Variants in GOLPH3L observed in about 807,000 individuals in gnomAD.
The protein encoded by GOLPH3L is golgi phosphoprotein 3 like.
Under a neutral mutation model 30.3 loss-of-function variants are expected in GOLPH3L, and 22 were observed. The observed-to-expected ratio is 0.73, with a 90% CI of 0.52 to 1.04. The LOEUF (loss-of-function observed/expected upper bound fraction) is 1.04, where lower values mean the gene tolerates loss of function less well. Among genes scored for constraint, GOLPH3L ranks in the 50% least tolerant of loss-of-function variants. The pLI, the probability that GOLPH3L is intolerant of heterozygous loss-of-function variation, is 0.00. For synonymous variants in GOLPH3L, 120 were observed against 128.2 expected, an observed-to-expected ratio of 0.94 and a Z score of 0.43; for missense variants, 303 against 345.8, an observed-to-expected ratio of 0.88 and a Z score of 0.98.
At chr1:150,691,539 C>CA (rs1175099598) in intron 2 of GOLPH3L, among the ~76,000 whole-genome samples, 1 of 151,928 alleles carries the variant, frequency 6.6e-6, no homozygotes, top group East Asian at 1.9e-4. Context: ...AAAACAAAAA[C>CA]AAAACTATGA....
In GOLPH3L at chr1:150,687,685, G is replaced by A. The variant is rs587769142; in HGVS notation, c.183+6971C>T. Among the ~76,000 whole-genome samples the A allele has an allele frequency of 2.0e-5, 3 of 152,260 alleles. No homozygotes were observed. The South Asian group carries it at 6.2e-4, about 32-fold the overall frequency. On this transcript the variant is annotated intron_variant, in intron 2 of 4. Transcript: ENST00000271732. ...TAATAAAGATGAACTATACTTGATGGAGGATCATCAGCAGCTTGAAAAAGC... is the reference window on the plus strand; with the variant it reads ...TAATAAAGATGAACTATACTTGATGAAGGATCATCAGCAGCTTGAAAAAGC...
intron 4 of GOLPH3L, among the ~76,000 whole-genome samples, chr1:150,659,015 G>T (rs1650310492): frequency 1.3e-5 from 2 of 152,228 alleles, no homozygotes; most frequent in South Asian, 4.1e-4. Context: ...TGGAGTGCTT[G>T]AAGGAGCTGC....
At chr1:150,689,663 T>C (rs1327405865) in intron 2 of GOLPH3L, among the ~76,000 whole-genome samples, 1 of 152,202 alleles carries the variant, frequency 6.6e-6, no homozygotes, top group Non-Finnish European at 1.5e-5. Context: ...TTTATATTTT[T>C]TGAGGCAGTC....
intron 2 of GOLPH3L, among the ~76,000 whole-genome samples, chr1:150,680,549 C>T (rs753080038): frequency 6.6e-6 from 1 of 152,124 alleles, no homozygotes; most frequent in South Asian, 2.1e-4. Flanking sequence ...TTTCAGTGCC[C>T]TCTTGTTCCA....
intron 2 of GOLPH3L, among the ~76,000 whole-genome samples, chr1:150,683,748 A>AAATGTTGGCTCACTT: frequency 6.7e-6 from 1 of 148,850 alleles, no homozygotes; most frequent in Admixed American, 6.8e-5. Flanking sequence ...GATACTCAAT[A>AAATGTTGGCTCACTT]AATGTTGGCT....
chr1:150,683,103 A>G (rs1278921384), intron 2 of GOLPH3L, among the ~76,000 whole-genome samples: 1 of 152,148 alleles, frequency 6.6e-6, no homozygotes, highest in Non-Finnish European at 1.5e-5. Flanking sequence ...AGTGCCTTGC[A>G]TCAAGGAGGT....
At chr1:150,673,029 A>G (rs952017381) in intron 2 of GOLPH3L, among the ~76,000 whole-genome samples, 1 of 152,136 alleles carries the variant, frequency 6.6e-6, no homozygotes, top group Non-Finnish European at 1.5e-5. Flanking sequence ...TTTAGCAAAT[A>G]AAAACAACAT....
intron 4 of GOLPH3L, among the ~76,000 whole-genome samples, chr1:150,653,329 A>T (rs970592949): frequency 2.7e-5 from 4 of 145,502 alleles, no homozygotes; most frequent in Non-Finnish European, 6.0e-5. Context: ...GGAGTCTCAC[A>T]CTGTCGCCCT....
chr1:150,688,821 C>G (rs1651147981), intron 2 of GOLPH3L, among the ~76,000 whole-genome samples: 1 of 152,144 alleles, frequency 6.6e-6, no homozygotes, highest in Non-Finnish European at 1.5e-5. Flanking sequence ...TCTTCCCTCT[C>G]CTACTGCTCC....
At position 150,647,830 on chromosome 1, in the gene GOLPH3L, G is replaced by C. The variant is rs1650019899; in HGVS notation, c.*491C>G. On this transcript the variant is annotated 3_prime_UTR_variant, in exon 5 of 5. Coordinates refer to ENST00000271732, the MANE Select transcript of GOLPH3L (RefSeq NM_018178.6). ...ACCATCTGCTCCAAAAATTAGTTTT[G>C]TTTCTCATTGCTCCTTATTCAGCGA... 6.5e-6 allele frequency: 1 copy of C among 152,884 alleles called. No individual in the cohort carries two copies. The highest frequency in any genetic ancestry group is 2.1e-4 in the South Asian group (1 of 4,838). The allele number at this position is 152,884 out of a possible 1,614,324, so 9.5% of individuals were successfully genotyped here. A position where few individuals can be genotyped will look rare whatever the true frequency, so the allele number is the denominator to read the frequency against.
intron 4 of GOLPH3L, among the ~76,000 whole-genome samples, chr1:150,660,640 T>C (rs1303479721): frequency 6.6e-6 from 1 of 152,242 alleles, no homozygotes; most frequent in Non-Finnish European, 1.5e-5. Context: ...GTGACATGAA[T>C]GGACCTTGAA....
chr1:150,690,451 A>C (rs1049361175), intron 2 of GOLPH3L, among the ~76,000 whole-genome samples: 1 of 152,176 alleles, frequency 6.6e-6, no homozygotes, highest in African/African-American at 2.4e-5. Flanking sequence ...GCAATTATAT[A>C]CACATTAAAA....
chr1:150,682,390 G>A (rs1306655112), intron 2 of GOLPH3L, among the ~76,000 whole-genome samples: 1 of 151,990 alleles, frequency 6.6e-6, no homozygotes, highest in African/African-American at 2.4e-5. Context: ...CACTTTGGGA[G>A]GCTGAGGCAG....
At chr1:150,674,127 A>G (rs587726856) in intron 2 of GOLPH3L, among the ~76,000 whole-genome samples, 10 of 152,300 alleles carry the variant, frequency 6.6e-5, no homozygotes, top group South Asian at 6.2e-4. Flanking sequence ...TATCATTACA[A>G]TAAGTATTTA....
chr1:150,654,856 G>A (rs774319123), intron 4 of GOLPH3L, among the ~76,000 whole-genome samples: 1 of 152,352 alleles, frequency 6.6e-6, no homozygotes, highest in South Asian at 2.1e-4. Context: ...ACCCTTGCCA[G>A]CGGGAACGAT....
At chr1:150,659,955 G>A (rs1298257442) in intron 4 of GOLPH3L, among the ~76,000 whole-genome samples, 1 of 151,946 alleles carries the variant, frequency 6.6e-6, no homozygotes, top group African/African-American at 2.4e-5. Flanking sequence ...GGATCCTTGA[G>A]CCCGGGAGAT....
At chr1:150,676,769 G>A (rs1315894717) in intron 2 of GOLPH3L, among the ~76,000 whole-genome samples, 6 of 149,420 alleles carry the variant, frequency 4.0e-5, no homozygotes, top group East Asian at 4.0e-4. Context: ...TCAGACTCCC[G>A]AGTGGTTGGG....
chr1:150,687,375 C>T (rs587605793), intron 2 of GOLPH3L, among the ~76,000 whole-genome samples: 47 of 151,924 alleles, frequency 3.1e-4, no homozygotes, highest in African/African-American at 5.3e-4. Context: ...GTCAGGAGTT[C>T]GACACCAGCC....
intron 4 of GOLPH3L, among the ~76,000 whole-genome samples, chr1:150,655,306 T>A (rs1002654189): frequency 6.6e-6 from 1 of 152,180 alleles, no homozygotes; most frequent in Non-Finnish European, 1.5e-5. Context: ...AGTAGTTACA[T>A]TTTCCATTGT....
Sources: allele counts gnomAD v4.1 joint callset (sites outside exome capture counted in the v4.1 genomes callset), GRCh38; gene constraint gnomAD v4.1.1; transcripts MANE v1.5; gene names NCBI Gene and HGNC (gene_info 2026-07-23, HGNC 2026-07-21).